The following NEK6 variants were observed in gnomAD, a reference collection of about 807,000 sequenced individuals.
The protein encoded by NEK6 is NIMA related kinase 6.
A neutral mutation model predicts 43.5 loss-of-function variants in NEK6; 27 were observed. The ratio of observed to expected loss-of-function variants is 0.62; its 90% CI spans 0.46 to 0.86. The LOEUF (loss-of-function observed/expected upper bound fraction) is 0.86, where lower values mean the gene tolerates loss of function less well. Ranked by LOEUF, NEK6 falls within the 40% of genes least tolerant of loss-of-function variation. The pLI is 0.00. For synonymous variants in NEK6, 167 were observed against 164.1 expected (o/e 1.02, Z -0.14); for missense variants, 318 against 414.4 (o/e 0.77, Z 2.02).
chr9:124,287,356 G>A (rs530735228), intron 1 of NEK6, among the ~76,000 whole-genome samples: 64 of 152,354 alleles, frequency 4.2e-4, no homozygotes, highest in African/African-American at 1.4e-3. Context: ...AGGCAGACAC[G>A]GGGCCGAGCC....
intron 1 of NEK6, among the ~76,000 whole-genome samples, chr9:124,280,094 CCT>C (rs1216455594): frequency 6.6e-6 from 1 of 152,248 alleles, no homozygotes; most frequent in African/African-American, 2.4e-5. Flanking sequence ...TCAGCTGGGG[CCT>C]CTCTCACTGA....
At chr9:124,289,179 C>G (rs796350801) in intron 1 of NEK6, among the ~76,000 whole-genome samples, 2 of 33,680 alleles carry the variant, frequency 5.9e-5, no homozygotes, top group African/African-American at 2.6e-4. Context: ...CCCCCCCGCC[C>G]CCCCCCGCCA....
chr9:124,301,115 TC>T (rs1401268793), intron 1 of NEK6, among the ~76,000 whole-genome samples: 2 of 152,268 alleles, frequency 1.3e-5, no homozygotes, highest in East Asian at 3.9e-4. Flanking sequence ...TCAGGAAGCA[TC>T]CCGGTGGCTG....
intron 1 of NEK6, among the ~76,000 whole-genome samples, chr9:124,266,586 T>G (rs1471217333): frequency 6.6e-6 from 1 of 152,184 alleles, no homozygotes; most frequent in East Asian, 1.9e-4. Context: ...ATCCGTCTTG[T>G]CATCGCATAG....
chr9:124,278,930 C>A (rs1234260745), intron 1 of NEK6, among the ~76,000 whole-genome samples: 1 of 152,196 alleles, frequency 6.6e-6, no homozygotes, highest in Non-Finnish European at 1.5e-5. Context: ...CGATCTCAGA[C>A]CTCCTGTGTA....
At chr9:124,261,520 CCT>C (rs1472890455) in intron 1 of NEK6, 2 of 985,448 alleles carry the variant, frequency 2.0e-6, no homozygotes, top group African/African-American at 3.5e-5. Context: ...GTTCTGGCCC[CCT>C]GATGTCACCT....
At chr9:124,282,470 A>G (rs1165307309) in intron 1 of NEK6, among the ~76,000 whole-genome samples, 2 of 152,166 alleles carry the variant, frequency 1.3e-5, no homozygotes, top group East Asian at 1.9e-4. Context: ...CCAGATAGAC[A>G]AGGGTTTGGG....
intron 1 of NEK6, among the ~76,000 whole-genome samples, chr9:124,295,263 G>T (rs1832627712): frequency 1.3e-5 from 2 of 152,234 alleles, no homozygotes; most frequent in African/African-American, 4.8e-5. Flanking sequence ...GAGAGCTGGG[G>T]CGAGCGTGAG....
chr9:124,300,361 C>T (rs555296022), intron 1 of NEK6, among the ~76,000 whole-genome samples: 1 of 152,244 alleles, frequency 6.6e-6, no homozygotes, highest in East Asian at 1.9e-4. Flanking sequence ...GATGCCTTTC[C>T]CACCTCCTGG....
At chr9:124,273,277 G>A (rs527577970) in intron 1 of NEK6, among the ~76,000 whole-genome samples, 94 of 152,206 alleles carry the variant, frequency 6.2e-4, no homozygotes, top group Non-Finnish European at 1.0e-3. Context: ...GGTGGTCTCC[G>A]GACTAGCTTT....
chr9:124,313,870 G>A, intron 3 of NEK6, 53 bp from the exon 4 acceptor site: 1 of 1,601,832 alleles, frequency 6.2e-7, no homozygotes, highest in Non-Finnish European at 8.6e-7. Context: ...CCTCCTTTGG[G>A]TCACTGGACA....
chr9:124,339,016 CTGATTTT>C (rs1829437508), intron 7 of NEK6, among the ~76,000 whole-genome samples: 1 of 130,916 alleles, frequency 7.6e-6, no homozygotes, highest in African/African-American at 2.8e-5. Flanking sequence ...CAGCCCCATC[CTGATTTT>C]TTTTTTTTTT....
chr9:124,339,547 GC>G, intron 7 of NEK6, 23 bp from the exon 8 acceptor site: 1 of 1,571,808 alleles, frequency 6.4e-7, no homozygotes, highest in Non-Finnish European at 8.8e-7. Flanking sequence ...AGCATAAGCA[GC>G]CCCGCCCCTT....
intron 1 of NEK6, chr9:124,258,367 T>C: frequency 2.0e-6 from 2 of 982,918 alleles, no homozygotes; most frequent in African/African-American, 3.5e-5. Flanking sequence ...TTGGGGTGAG[T>C]GCGTGCGGGG....
chr9:124,340,605 G>A (rs1006361372), intron 8 of NEK6, among the ~76,000 whole-genome samples: 2 of 152,248 alleles, frequency 1.3e-5, no homozygotes, highest in Admixed American at 1.3e-4. Context: ...CACCAAGCCC[G>A]GCTTGGTTTT....
Position 124,327,568 on chromosome 9 carries a change from C to T in NEK6, c.622+123C>T, listed in dbSNP as rs75024097. On this transcript the variant is annotated intron_variant, in intron 7 of 9. Transcript: ENST00000320246. ...TGCAGGAAGATGCCTTTTTTAAGCC[C>T]CAGGGTTTTCTCATCTGTTCAGAAT... 3.6e-4 allele frequency: 273 copies of T among 763,166 alleles called. 3 individuals carry two copies. The African/African-American group carries it at 4.2e-3, about 12-fold the overall frequency. 47.3% of individuals were successfully genotyped at this position (763,166 alleles called of 1,614,324 possible).
At chr9:124,349,062 G>A (rs529253284) in intron 9 of NEK6, among the ~76,000 whole-genome samples, 2 of 152,356 alleles carry the variant, frequency 1.3e-5, no homozygotes, top group African/African-American at 4.8e-5. Flanking sequence ...CTGCGCTTGT[G>A]TCCAGGCCGG....
rs982354140 is a variant in NEK6, at chr9:124,275,400, G to C, written c.-30+17315G>C. On this transcript the variant is annotated intron_variant, in intron 1 of 9. Coordinates refer to ENST00000320246, the MANE Select transcript of NEK6 (RefSeq NM_014397.6). This position sits in a 1 kb window ranked among gnomAD's most constrained non-coding sequence, Gnocchi z 4.4. ...GGTGACCTGGTTGATGACGGTCATG[G>C]AGCCCAGAACCCATGGGTAACGGGG... Among the ~76,000 whole-genome samples, 6 of 152,116 alleles carry C rather than the reference G, an allele frequency of 3.9e-5. No individual in the cohort carries two copies. The highest frequency in any genetic ancestry group is 1.4e-4 in the African/African-American group (6 of 41,408).
chr9:124,294,274 G>A (rs1041351683), intron 1 of NEK6, among the ~76,000 whole-genome samples: 1 of 152,194 alleles, frequency 6.6e-6, no homozygotes, highest in African/African-American at 2.4e-5. Flanking sequence ...CCTGAGTAGT[G>A]TGTCAGTTCC....
Sources: allele counts gnomAD v4.1 joint callset (sites outside exome capture counted in the v4.1 genomes callset), GRCh38; gene constraint gnomAD v4.1.1; non-coding constraint Gnocchi (gnomAD v3.1); transcripts MANE v1.5; gene names NCBI Gene and HGNC (gene_info 2026-07-23, HGNC 2026-07-21).